Variants in TUBGCP3 observed in about 807,000 individuals in gnomAD.
TUBGCP3 encodes gamma-tubulin complex component 3.
In TUBGCP3, 50 loss-of-function variants were observed where a neutral mutation model predicts 123.1. The ratio of observed to expected loss-of-function variants is 0.41; its 90% CI spans 0.32 to 0.51. TUBGCP3 has a LOEUF of 0.51. TUBGCP3 is among the 20% of genes least tolerant of loss of function. TUBGCP3 has a pLI of 0.36. For synonymous variants in TUBGCP3, 405 were observed against 413.9 expected (o/e 0.98, Z 0.26); for missense variants, 882 against 1,127.0 (o/e 0.78, Z 3.11).
intron 21 of TUBGCP3, among the ~76,000 whole-genome samples, chr13:112,488,491 G>T (rs1018031570): frequency 6.6e-6 from 1 of 152,202 alleles, no homozygotes; most frequent in Non-Finnish European, 1.5e-5. Flanking sequence ...CACCCAGGCT[G>T]GGCAGCTGTC....
At chr13:112,586,479 TCTG>T (rs1465071051) in intron 1 of TUBGCP3, among the ~76,000 whole-genome samples, 4 of 152,140 alleles carry the variant, frequency 2.6e-5, no homozygotes, top group Non-Finnish European at 5.9e-5. Context: ...GGAAACTCAG[TCTG>T]CTAATGACAA....
chr13:112,601,976 A>G, the TUBGCP3 span, among the ~76,000 whole-genome samples: 1 of 152,194 alleles, frequency 6.6e-6, no homozygotes, highest in African/African-American at 2.4e-5. Context: ...TCCTTATGCC[A>G]GGCGCTTAGC....
rs559798918 is a variant in TUBGCP3 at position 112,516,091 on chromosome 13, G to GT, written c.2086+348dup. On this transcript the variant is annotated intron_variant, in intron 17 of 21. Transcript: ENST00000261965. ...CTGATACCTAAGAATTTTTACTATA[G>GT]TTTTAGATTGTTTTAAATAATATAT... 1.7e-3 allele frequency among the ~76,000 whole-genome samples: 251 copies of GT among 152,032 alleles called. 1 individual carries two copies. Among genetic ancestry groups the GT allele is most frequent in the Middle Eastern group, 6.8e-3 (2 of 294 alleles).
At position 112,489,598 on chromosome 13, in the gene TUBGCP3, A is replaced by C; in HGVS notation, c.2548T>G (p.Leu850Val). 1.4e-5 allele frequency: 22 copies of C among 1,613,976 alleles called. No homozygotes were observed. The highest frequency in any genetic ancestry group is 1.9e-5 in the Non-Finnish European group (22 of 1,179,782). ...IPKMCSQLRI[L>V]THFYQGIVQQ... is the part of the protein sequence containing the mutation. ...ATACACACCTGGTAGAAATGGGTCAATATTCGCAACTGTGAGCACATTTTT... is the reference window on the plus strand; with the variant it reads ...ATACACACCTGGTAGAAATGGGTCACTATTCGCAACTGTGAGCACATTTTT... Residue 850 changes from leucine to valine, a missense_variant, in exon 21 of 22, where the codon TTG (leucine) becomes GTG (valine). By Grantham distance (32) the Leu-to-Val change is conservative. Transcript: ENST00000261965.
chr13:112,505,189 G>A (rs1342062237), intron 17 of TUBGCP3, among the ~76,000 whole-genome samples: 2 of 152,160 alleles, frequency 1.3e-5, no homozygotes, highest in Non-Finnish European at 2.9e-5. Flanking sequence ...GGAGGTCAGC[G>A]ACGAGCTCAG....
chr13:112,559,564 G>A (rs950258916), intron 3 of TUBGCP3, among the ~76,000 whole-genome samples, 165 bp from the exon 4 acceptor site: 24 of 152,152 alleles, frequency 1.6e-4, no homozygotes, highest in African/African-American at 4.1e-4. Context: ...CCACCCATCC[G>A]AAGGCGGAAG....
the TUBGCP3 span, chr13:112,605,552 G>A: frequency 6.6e-6 from 1 of 152,206 alleles, no homozygotes; most frequent in East Asian, 1.9e-4. Flanking sequence ...CATTTGACCA[G>A]GCAGTGCTGG....
chr13:112,570,755 T>C (rs1033511364), intron 1 of TUBGCP3, among the ~76,000 whole-genome samples: 67 of 152,354 alleles, frequency 4.4e-4, no homozygotes, highest in African/African-American at 1.5e-3. Context: ...TGTTGTTTGA[T>C]AGCATTTTAC....
the TUBGCP3 span, chr13:112,602,819 C>T: frequency 6.6e-6 from 1 of 152,136 alleles, no homozygotes; most frequent in Non-Finnish European, 1.5e-5. Context: ...CAAGAAACTC[C>T]CCCATCATGT....
intron 11 of TUBGCP3, among the ~76,000 whole-genome samples, chr13:112,539,098 G>T (rs954899159): frequency 1.3e-5 from 2 of 152,222 alleles, no homozygotes; most frequent in African/African-American, 2.4e-5. Context: ...AGGGACAGAA[G>T]ATATTCAAAT....
intron 2 of TUBGCP3, among the ~76,000 whole-genome samples, chr13:112,568,873 A>G (rs1202040290): frequency 2.0e-5 from 3 of 152,236 alleles, no homozygotes; most frequent in African/African-American, 7.2e-5. Flanking sequence ...GGATAATCAG[A>G]TAACCTACTC....
chr13:112,540,626 C>T (rs1404917608), intron 11 of TUBGCP3, among the ~76,000 whole-genome samples: 1 of 145,244 alleles, frequency 6.9e-6, no homozygotes, highest in Non-Finnish European at 1.5e-5. Flanking sequence ...GGAAAGGACA[C>T]CTGGGAATGA....
intron 17 of TUBGCP3, among the ~76,000 whole-genome samples, chr13:112,509,614 T>C (rs1349648215): frequency 6.6e-6 from 1 of 152,206 alleles, no homozygotes; most frequent in Admixed American, 6.5e-5. Flanking sequence ...CTACAATGAG[T>C]ACGGAGGACA....
Position 112,519,650 on chromosome 13 carries a change from T to TTG in TUBGCP3, c.1881+235_1881+236insCA, listed in dbSNP as rs1173858010. Reference sequence around the variant, plus strand: ...TTCTCCAGCTTAAGCCTAGCAGCCCTGCAAGGCTCCCCGCTGCAAGATGGG... The same window carrying TTG: ...TTCTCCAGCTTAAGCCTAGCAGCCCTTGGCAAGGCTCCCCGCTGCAAGATGGG... On this transcript the variant is annotated intron_variant, in intron 15 of 21. Coordinates refer to ENST00000261965, the MANE Select transcript of TUBGCP3 (RefSeq NM_006322.6). This position sits in a 1 kb window ranked among gnomAD's most constrained non-coding sequence, Gnocchi z 6.2. 1.3e-5 allele frequency among the ~76,000 whole-genome samples: 2 copies of TTG among 152,210 alleles called. No individual in the cohort carries two copies. Among genetic ancestry groups the TTG allele is most frequent in the Admixed American group, 1.3e-4 (2 of 15,286 alleles).
At chr13:112,539,747 A>G (rs1878348943) in intron 11 of TUBGCP3, among the ~76,000 whole-genome samples, 1 of 152,260 alleles carries the variant, frequency 6.6e-6, no homozygotes, top group Non-Finnish European at 1.5e-5. Context: ...TGGTCTTGGG[A>G]AAGGATACCT....
Position 112,587,976 on chromosome 13 carries a change from G to C in TUBGCP3, c.5C>G (p.Ala2Gly). Residue 2 changes from alanine (A) to glycine (G), a missense_variant, in exon 1 of 22, where the codon GCG becomes GGG. Coordinates refer to ENST00000261965, the MANE Select transcript of TUBGCP3 (RefSeq NM_006322.6). M[A>G]TPDQKSPNVL... ...GTTCGGCGACTTCTGGTCCGGGGTC[G>C]CCATCCTCGCCCGGAGCCGTGCACG... 1 of 1,580,230 alleles carries C rather than the reference G, an allele frequency of 6.3e-7. No individual in the cohort carries two copies. Among genetic ancestry groups the C allele is most frequent in the Non-Finnish European group, 8.6e-7 (1 of 1,165,478 alleles).
At chr13:112,572,343 G>A (rs1415591811) in intron 1 of TUBGCP3, among the ~76,000 whole-genome samples, 2 of 152,184 alleles carry the variant, frequency 1.3e-5, no homozygotes, top group African/African-American at 2.4e-5. Context: ...ACGTGTGGCA[G>A]GTTTGTTACA....
intron 1 of TUBGCP3, among the ~76,000 whole-genome samples, chr13:112,572,463 CTGTGT>C (rs1881484808): frequency 6.6e-6 from 1 of 151,968 alleles, no homozygotes; most frequent in African/African-American, 2.4e-5. Flanking sequence ...GTTCCCCTCT[CTGTGT>C]CCATGTGTTC....
intron 1 of TUBGCP3, among the ~76,000 whole-genome samples, chr13:112,575,588 C>A (rs1002246088): frequency 6.6e-6 from 1 of 152,224 alleles, no homozygotes; most frequent in Non-Finnish European, 1.5e-5. Context: ...TGAACACCAA[C>A]AACCAACTAA....
Sources: gnomAD v4.1 joint callset for allele counts (sites outside exome capture counted in the v4.1 genomes callset) on GRCh38, gnomAD v4.1.1 for gene constraint, Gnocchi (gnomAD v3.1) non-coding constraint, MANE v1.5 for transcripts, NCBI Gene and HGNC (gene_info 2026-07-23, HGNC 2026-07-21) for gene names.